Variants in FRY observed in about 807,000 individuals in gnomAD.
FRY encodes the protein FRY microtubule binding protein.
FRY carries 128 observed loss-of-function variants against 348.4 expected under a neutral mutation model. That is an observed-to-expected ratio of 0.37 (90% CI 0.32 to 0.43). The LOEUF is 0.43. Among genes scored for constraint, FRY ranks in the 20% least tolerant of loss-of-function variants. FRY has a pLI of 1.00. For missense variants in FRY, 2,736 were observed against 3,695.2 expected (o/e 0.74, Z 6.73); for synonymous variants, 1,370 against 1,374.7 (o/e 1.00, Z 0.08).
chr13:32,249,488 A>G, intron 48 of FRY, 38 bp from the exon 49 acceptor site: 1 of 1,611,360 alleles, frequency 6.2e-7, no homozygotes, highest in Non-Finnish European at 8.5e-7. Context: ...TCACAAAACC[A>G]TTGAGACAGA....
chr13:32,269,839 C>T (rs1010512688), intron 55 of FRY, among the ~76,000 whole-genome samples: 4 of 152,126 alleles, frequency 2.6e-5, no homozygotes, highest in Admixed American at 1.3e-4. Flanking sequence ...GCTTTTGAGC[C>T]TGGAGGCCCT....
intron 55 of FRY, among the ~76,000 whole-genome samples, chr13:32,271,194 GAGTA>G (rs1566184595): frequency 6.6e-6 from 1 of 152,196 alleles, no homozygotes; most frequent in Non-Finnish European, 1.5e-5. Context: ...GGTGGAAAAG[GAGTA>G]CAGTGAAGTC....
chr13:32,287,730 A>G (rs892561787), intron 58 of FRY: 3 of 219,992 alleles, frequency 1.4e-5, no homozygotes, highest in Non-Finnish European at 9.9e-6. Context: ...TGCAACATTT[A>G]TCAAGTTTGG....
chr13:32,262,086 A>G (rs56221249), intron 52 of FRY, among the ~76,000 whole-genome samples: 30,779 of 152,174 alleles, frequency 0.2, 3,305 homozygotes, highest in Non-Finnish European at 0.24. Context: ...ATGATTCTGG[A>G]ATCTTTTTAA....
At chr13:32,123,925 C>T (rs975626911) in intron 4 of FRY, among the ~76,000 whole-genome samples, 1 of 152,148 alleles carries the variant, frequency 6.6e-6, no homozygotes, top group African/African-American at 2.4e-5. Context: ...CCGTCCGCCT[C>T]CCGGGTTCAG....
Position 32,247,341 on chromosome 13 carries a change from G to T in FRY, c.6847G>T (p.Ala2283Ser), listed in dbSNP as rs1483524166. 1.2e-6 allele frequency: 2 copies of T among 1,613,336 alleles called. No individual in the cohort carries two copies. The highest frequency in any genetic ancestry group is 1.7e-6 in the Non-Finnish European group (2 of 1,179,332). ...KYVQSVHWRE[A>S]LNILKLVVSR... ...CCTGCAGAGTGTTCACTGGAGAGAA[G>T]CTCTGAATATCTTGAAGCTGGTAGT... The change falls in exon 48 of 61, where the codon GCT becomes TCT. Residue 2283 changes from alanine to serine, a missense_variant. Around this residue, in one of 9 missense-constraint regions of FRY, gnomAD observed 789 missense variants for 996.2 expected, o/e 0.79. Coordinates refer to ENST00000542859, the MANE Select transcript of FRY (RefSeq NM_023037.3).
At position 32,178,824 on chromosome 13, in the gene FRY, T is replaced by C. The variant is rs774634586; in HGVS notation, c.2682-20T>C. On this transcript the variant is annotated intron_variant, in intron 21 of 60. Transcript: ENST00000542859. ...ATCCAGAACTTAGTTTCACTCTTGT[T>C]TTCGACTCCATATTTCTAGTAGCCC... 1.3e-6 allele frequency: 2 copies of C among 1,570,474 alleles called. No individual in the cohort carries two copies. Among genetic ancestry groups the C allele is most frequent in the South Asian group, 2.2e-5 (2 of 90,142 alleles).
At chr13:32,156,769 A>G (rs894627744) in intron 15 of FRY, among the ~76,000 whole-genome samples, 1 of 152,186 alleles carries the variant, frequency 6.6e-6, no homozygotes, top group Admixed American at 6.5e-5. Context: ...AATGAGAACA[A>G]TAAAAATAAT....
At position 32,251,892 on chromosome 13, in the gene FRY, G is replaced by T. The variant is rs1330160199; in HGVS notation, c.7185G>T (p.Glu2395Asp). Residue 2395 changes from glutamate to aspartate, a missense_variant, in exon 50 of 61, where the codon GAG (glutamate) becomes GAT (aspartate). Physicochemically the swap from Glu to Asp is conservative, Grantham distance 45. Around this residue, in one of 9 missense-constraint regions of FRY, gnomAD observed 789 missense variants for 996.2 expected, o/e 0.79. Coordinates refer to ENST00000542859, the MANE Select transcript of FRY (RefSeq NM_023037.3). ...RPQYSQKRTK[E>D]KLVHVLSLCG... Reference sequence around the variant, plus strand: ...TTCTTTTCCAGAAGAGAACAAAAGAGAAGTTGGTACATGTCCTTTCTCTGT... The same window carrying T: ...TTCTTTTCCAGAAGAGAACAAAAGATAAGTTGGTACATGTCCTTTCTCTGT... The T allele has an allele frequency of 6.2e-7, 1 of 1,612,660 alleles. No homozygotes were observed. The highest frequency in any genetic ancestry group is 1.1e-5 in the South Asian group (1 of 91,050).
chr13:32,228,563 C>A lies in FRY; in HGVS notation c.5314C>A (p.Leu1772Ile). Residue 1772 changes from leucine (L) to isoleucine (I), a missense_variant, in exon 40 of 61, where the codon CTC becomes ATC. Around this residue, in one of 9 missense-constraint regions of FRY, gnomAD observed 794 missense variants for 977.0 expected, o/e 0.81. Coordinates refer to ENST00000542859, the MANE Select transcript of FRY (RefSeq NM_023037.3). Reference protein sequence around the residue: ...SISLGGSSGNLPQMTQEVEDV... With the variant: ...SISLGGSSGNIPQMTQEVEDV... ...CAGTCTGGGAGGCAGCAGTGGAAAC[C>A]TCCCACAGATGACCCAGGAGGTAGA... 1 of 1,614,020 alleles carries A rather than the reference C, an allele frequency of 6.2e-7. No individual in the cohort carries two copies. The highest frequency in any genetic ancestry group is 8.5e-7 in the Non-Finnish European group (1 of 1,179,952).
chr13:32,107,385 G>T (rs1209179391), intron 3 of FRY, among the ~76,000 whole-genome samples: 2 of 152,060 alleles, frequency 1.3e-5, no homozygotes, highest in East Asian at 1.9e-4. Context: ...CTGGAAAAAA[G>T]ATTTTATAAA....
At position 32,179,759 on chromosome 13, in the gene FRY, T is replaced by C. The variant is rs1882587985; in HGVS notation, c.2956T>C (p.Leu986=). Residue 986 remains leucine (L), a synonymous_variant, in exon 23 of 61, where the codon TTA becomes CTA. Coordinates refer to ENST00000542859, the MANE Select transcript of FRY (RefSeq NM_023037.3). The part of the protein sequence containing the change: ...RLESIEITES[L]VLGFGRTNSL... ...AGAGAGCATTGAGATCACAGAGTCC[T>C]TAGTTTTAGGATTTGGAAGAACAAA... 2 of 1,613,642 alleles carry C rather than the reference T, an allele frequency of 1.2e-6. No homozygotes were observed. The highest frequency in any genetic ancestry group is 4.5e-5 in the East Asian group (2 of 44,886).
rs141691971 is a variant in FRY, at chr13:32,270,364, C to T, written c.8136+3005C>T. On this transcript the variant is annotated intron_variant, in intron 55 of 60. Transcript: ENST00000542859. ...CTGGGATTATAGGCATGCACCACTACGCCCAGCTAATTTTGTATTTTTAGT... is the reference window on the plus strand; with the variant it reads ...CTGGGATTATAGGCATGCACCACTATGCCCAGCTAATTTTGTATTTTTAGT... 4.4e-3 allele frequency among the ~76,000 whole-genome samples: 676 copies of T among 152,216 alleles called. 4 individuals are homozygous for T. Among genetic ancestry groups the T allele is most frequent in the African/African-American group, 0.016 (650 of 41,538 alleles).
intron 4 of FRY, among the ~76,000 whole-genome samples, chr13:32,118,770 T>A (rs1037515508): frequency 5.3e-5 from 8 of 152,334 alleles, no homozygotes; most frequent in Admixed American, 2.0e-4. Flanking sequence ...AATATTTTTT[T>A]AATTTATCAG....
chr13:32,131,735 C>G lies in FRY; in HGVS notation c.780C>G (p.Asn260Lys). The G allele has an allele frequency of 6.2e-7, 1 of 1,613,364 alleles. No homozygotes were observed. The highest frequency in any genetic ancestry group is 8.5e-7 in the Non-Finnish European group (1 of 1,179,282). ...ELKELRHKEQNPYVVQSIISL... is the reference protein window; with the variant it reads ...ELKELRHKEQKPYVVQSIISL... ...AAGAATTACGGCACAAAGAGCAGAA[C>G]CCATATGTGGTTCAAAGCATTATCA... Residue 260 changes from asparagine (N) to lysine (K), a missense_variant, in exon 8 of 61, where the codon AAC becomes AAG. Around this residue, in one of 9 missense-constraint regions of FRY, gnomAD observed 309 missense variants for 418.1 expected, o/e 0.74. Transcript: ENST00000542859.
intron 17 of FRY, among the ~76,000 whole-genome samples, chr13:32,166,927 G>C (rs534956103): frequency 1.2e-4 from 19 of 152,248 alleles, no homozygotes; most frequent in African/African-American, 4.3e-4. Context: ...TTCAGTGGTA[G>C]AGCATGTAAA....
intron 28 of FRY, among the ~76,000 whole-genome samples, chr13:32,189,251 G>A (rs1566120183): frequency 6.6e-6 from 1 of 152,006 alleles, no homozygotes; most frequent in Non-Finnish European, 1.5e-5. Context: ...TTTTCAAACT[G>A]ATGTCTTCTC....
At chr13:32,228,745 C>CT (rs1885749167) in intron 40 of FRY, 91 bp downstream of exon 40, 1 of 1,084,466 alleles carries the variant, frequency 9.2e-7, no homozygotes, top group East Asian at 2.4e-5. Flanking sequence ...AAAAGTGATC[C>CT]TGGGGTTCTA....
chr13:32,231,134 C>G, intron 40 of FRY, 45 bp from the exon 41 acceptor site: 1 of 1,596,240 alleles, frequency 6.3e-7, no homozygotes, highest in Non-Finnish European at 8.6e-7. Context: ...TTTAAAAATG[C>G]AAAATGACAG....
Sources: gnomAD v4.1 joint callset for allele counts (sites outside exome capture counted in the v4.1 genomes callset) on GRCh38, gnomAD v4.1.1 for gene constraint, gnomAD v4.1.1 regional missense constraint, MANE v1.5 for transcripts, NCBI Gene and HGNC (gene_info 2026-07-23, HGNC 2026-07-21) for gene names.